B3GALT1: variants seen among roughly 807,000 people sequenced by gnomAD.
B3GALT1 encodes the protein beta-1,3-galactosyltransferase 1, also known as UDP-Gal:betaGlcNAc beta 1,3-galactosyltransferase, polypeptide 1.
In B3GALT1, 10 loss-of-function variants were observed where a neutral mutation model predicts 23.2. That is an observed-to-expected ratio of 0.43 (90% confidence interval 0.27 to 0.73). The LOEUF (loss-of-function observed/expected upper bound fraction) is 0.73. Among genes scored for constraint, B3GALT1 ranks in the 30% least tolerant of loss-of-function variants. B3GALT1 has a pLI of 0.21. For synonymous variants in B3GALT1, 156 were observed against 141.5 expected, an observed-to-expected ratio of 1.10 and a Z score of -0.73; for missense variants, 299 against 405.4, an observed-to-expected ratio of 0.74 and a Z score of 2.25.
intron 2 of B3GALT1, among the ~76,000 whole-genome samples, chr2:167,590,291 C>T (rs578260520): frequency 5.6e-5 from 8 of 143,652 alleles, no homozygotes; most frequent in South Asian, 4.4e-4. Context: ...GCTTGCAGTG[C>T]GCTGAGATCG....
At chr2:167,471,292 T>G (rs551792362) in intron 1 of B3GALT1, among the ~76,000 whole-genome samples, 2 of 152,286 alleles carry the variant, frequency 1.3e-5, no homozygotes, top group South Asian at 2.1e-4. Flanking sequence ...GAGCTAAGAC[T>G]TGGTGGGAAG....
At chr2:167,533,795 T>C (rs918624218) in intron 2 of B3GALT1, among the ~76,000 whole-genome samples, 1 of 152,228 alleles carries the variant, frequency 6.6e-6, no homozygotes, top group African/African-American at 2.4e-5. Context: ...ACCATGTTTC[T>C]TCCTCCTGGA....
intron 4 of B3GALT1, among the ~76,000 whole-genome samples, chr2:167,852,828 T>C (rs1689930614): frequency 1.3e-5 from 2 of 152,206 alleles, no homozygotes; most frequent in South Asian, 4.1e-4. Context: ...GACGAATTAC[T>C]GTTTATGGCT....
At chr2:167,462,325 A>C (rs1699270553) in intron 1 of B3GALT1, among the ~76,000 whole-genome samples, 1 of 152,198 alleles carries the variant, frequency 6.6e-6, no homozygotes, top group African/African-American at 2.4e-5. Context: ...CAGCTTAAGC[A>C]CGCAATTGGA....
intron 2 of B3GALT1, among the ~76,000 whole-genome samples, chr2:167,522,020 A>AC (rs1558891676): frequency 7.6e-5 from 10 of 130,886 alleles, no homozygotes; most frequent in Non-Finnish European, 1.5e-4. Context: ...ATATATATAT[A>AC]ATTATATATA....
intron 1 of B3GALT1, among the ~76,000 whole-genome samples, chr2:167,379,181 A>G (rs942310923): frequency 2.0e-5 from 3 of 152,144 alleles, no homozygotes; most frequent in African/African-American, 7.2e-5. Context: ...AGGAAGGAGA[A>G]TGAACACACA....
intron 4 of B3GALT1, among the ~76,000 whole-genome samples, chr2:167,832,585 A>G (rs1689374484): frequency 6.6e-6 from 1 of 152,244 alleles, no homozygotes; most frequent in South Asian, 2.1e-4. Context: ...ATGAGGACTC[A>G]CTTGTTAAAG....
At chr2:167,838,326 A>G (rs1305630012) in intron 4 of B3GALT1, among the ~76,000 whole-genome samples, 2 of 152,260 alleles carry the variant, frequency 1.3e-5, no homozygotes, top group African/African-American at 4.8e-5. Context: ...TAGACGCAAT[A>G]AAAAATGATA....
At chr2:167,483,975 A>G (rs187018212) in intron 1 of B3GALT1, among the ~76,000 whole-genome samples, 24 of 152,324 alleles carry the variant, frequency 1.6e-4, no homozygotes, top group Non-Finnish European at 3.5e-4. Context: ...CAATGGAGCT[A>G]TCTCCGTTAA....
At chr2:167,501,518 A>G (rs1008118640) in intron 2 of B3GALT1, among the ~76,000 whole-genome samples, 11 of 151,952 alleles carry the variant, frequency 7.2e-5, no homozygotes, top group African/African-American at 2.7e-4. Context: ...TTTAAACTTA[A>G]AAGACAGCAA....
chr2:167,667,445 C>T (rs1194297426), intron 3 of B3GALT1, among the ~76,000 whole-genome samples: 1 of 151,984 alleles, frequency 6.6e-6, no homozygotes, highest in Non-Finnish European at 1.5e-5. Flanking sequence ...TTGCTCTTCT[C>T]GAGGAGTATC....
At chr2:167,854,617 CTA>C (rs1689964690) in intron 4 of B3GALT1, among the ~76,000 whole-genome samples, 1 of 152,200 alleles carries the variant, frequency 6.6e-6, no homozygotes. Flanking sequence ...ACTTCTCCAT[CTA>C]TGTCTTGCCC....
Position 167,531,524 on chromosome 2 carries a change from G to C in B3GALT1, c.-410+41247G>C, listed in dbSNP as rs535749580. On this transcript the variant is annotated intron_variant, in intron 2 of 4. Transcript: ENST00000392690. ...AAAGGCATATTTCCAAGATAGGAAA[G>C]TCTGATTCAATTATTTCTTTCTTTA... Among the ~76,000 whole-genome samples, 3 of 152,202 alleles carry C rather than the reference G, an allele frequency of 2.0e-5. No individual in the cohort carries two copies. The East Asian group carries it at 5.8e-4, about 29-fold the overall frequency.
intron 4 of B3GALT1, among the ~76,000 whole-genome samples, chr2:167,831,202 T>G (rs1558994628): frequency 6.6e-6 from 1 of 152,236 alleles, no homozygotes; most frequent in Non-Finnish European, 1.5e-5. Flanking sequence ...TACTTTCTAA[T>G]AGTTCTCAAC....
chr2:167,860,924 GC>G (rs1405848736), intron 4 of B3GALT1, among the ~76,000 whole-genome samples: 1 of 149,186 alleles, frequency 6.7e-6, no homozygotes, highest in Non-Finnish European at 1.5e-5. Context: ...TCACACTCGT[GC>G]TTCATTCTTC....
intron 2 of B3GALT1, among the ~76,000 whole-genome samples, chr2:167,496,333 G>A (rs16853644): frequency 0.014 from 2,128 of 152,188 alleles, 49 homozygotes; most frequent in East Asian, 0.11. Flanking sequence ...TACAGTGAAG[G>A]TTTCTGAGAA....
chr2:167,473,881 G>A (rs1159655725), intron 1 of B3GALT1, among the ~76,000 whole-genome samples: 1 of 152,180 alleles, frequency 6.6e-6, no homozygotes, highest in African/African-American at 2.4e-5. Flanking sequence ...GTAGAGTAGC[G>A]TAGAGACACG....
At chr2:167,456,911 A>G (rs1399725525) in intron 1 of B3GALT1, among the ~76,000 whole-genome samples, 2 of 152,132 alleles carry the variant, frequency 1.3e-5, no homozygotes, top group South Asian at 4.1e-4. Context: ...TAATTAAATC[A>G]TTGGTAATTA....
chr2:167,361,837 A>T (rs1574048722), intron 1 of B3GALT1, among the ~76,000 whole-genome samples: 1 of 152,008 alleles, frequency 6.6e-6, no homozygotes, highest in Non-Finnish European at 1.5e-5. Flanking sequence ...ACTTTGGGAG[A>T]CCGAGACGGG....
Sources: allele counts gnomAD v4.1 joint callset (sites outside exome capture counted in the v4.1 genomes callset), GRCh38; gene constraint gnomAD v4.1.1; transcripts MANE v1.5; gene names NCBI Gene and HGNC (gene_info 2026-07-23, HGNC 2026-07-21).